Variants in FAM13A observed in about 807,000 individuals in gnomAD.
FAM13A encodes the protein family with sequence similarity 13 member A, also known as protein FAM13A.
A neutral mutation model predicts 129.6 loss-of-function variants in FAM13A; 76 were observed. The observed-to-expected ratio is 0.59, with a 90% confidence interval of 0.49 to 0.71. The LOEUF (loss-of-function observed/expected upper bound fraction) is 0.71, where lower values mean the gene tolerates loss of function less well. Ranked by LOEUF, FAM13A falls within the 30% of genes least tolerant of loss-of-function variation. The pLI, the probability that FAM13A is intolerant of heterozygous loss-of-function variation, is 0.00. For synonymous variants in FAM13A, 443 were observed against 449.9 expected (o/e 0.98, Z 0.20); for missense variants, 1,108 against 1,249.3 (o/e 0.89, Z 1.70).
At chr4:88,737,675 C>T in intron 20 of FAM13A, 120 bp from the exon 21 acceptor site, 1 of 781,792 alleles carries the variant, frequency 1.3e-6, no homozygotes, top group Non-Finnish European at 2.2e-6. Context: ...CTTATCCCTC[C>T]CTGCCAAACA....
chr4:88,879,905 T>C (rs1181892237), intron 6 of FAM13A, among the ~76,000 whole-genome samples: 1 of 152,344 alleles, frequency 6.6e-6, no homozygotes, highest in East Asian at 1.9e-4. Flanking sequence ...ATTACTGAAG[T>C]ATAACCAAGA....
At chr4:88,804,072 T>C (rs1347867375) in intron 8 of FAM13A, among the ~76,000 whole-genome samples, 1 of 151,498 alleles carries the variant, frequency 6.6e-6, no homozygotes, top group African/African-American at 2.4e-5. Context: ...CTGGCCAAGA[T>C]GGTGAAACCC....
At chr4:88,811,035 C>T (rs1343865938) in intron 7 of FAM13A, among the ~76,000 whole-genome samples, 1 of 152,098 alleles carries the variant, frequency 6.6e-6, no homozygotes, top group Non-Finnish European at 1.5e-5. Flanking sequence ...ATAATGCACA[C>T]TGAATGAATG....
At chr4:89,007,586 C>CTG (rs1044613194) in intron 3 of FAM13A, among the ~76,000 whole-genome samples, 8 of 152,154 alleles carry the variant, frequency 5.3e-5, no homozygotes, top group African/African-American at 1.9e-4. Context: ...CCCACAGAAA[C>CTG]TGTGAGAGAA....
intron 6 of FAM13A, among the ~76,000 whole-genome samples, chr4:88,876,102 G>A (rs915959319): frequency 2.0e-5 from 3 of 152,082 alleles, no homozygotes; most frequent in African/African-American, 7.2e-5. Context: ...GAGAACACTT[G>A]GACACAGGGT....
intron 21 of FAM13A, 110 bp from the exon 22 acceptor site, chr4:88,732,308 C>CT: frequency 1.3e-6 from 1 of 744,734 alleles, no homozygotes; most frequent in Non-Finnish European, 2.2e-6. Context: ...ATAGTTTCTT[C>CT]TGTATCTACA....
At chr4:88,961,305 AAG>A (rs1758559243) in intron 4 of FAM13A, among the ~76,000 whole-genome samples, 1 of 151,350 alleles carries the variant, frequency 6.6e-6, no homozygotes, top group Non-Finnish European at 1.5e-5. Flanking sequence ...TTGCCAAGAA[AAG>A]AGATACATAA....
rs143962433 is a variant in FAM13A, at chr4:88,909,462, G to A, written c.760-3000C>T. Among the ~76,000 whole-genome samples, 12 of 152,098 alleles carry A rather than the reference G, an allele frequency of 7.9e-5. No homozygotes were observed. The East Asian group carries it at 2.3e-3, about 29-fold the overall frequency. On this transcript the variant is annotated intron_variant, in intron 5 of 23. Transcript: ENST00000264344. ...GAGGAGTGGGGAATGTGGAGTGACT[G>A]CTAATGGGTCTGATGTACATGAGGT...
chr4:88,930,831 C>G (rs938739963), intron 5 of FAM13A, among the ~76,000 whole-genome samples: 19 of 152,118 alleles, frequency 1.2e-4, no homozygotes, highest in African/African-American at 4.3e-4. Context: ...CTGAAAGCAA[C>G]AGTGAGTGGG....
At chr4:88,894,195 C>T (rs974334930) in intron 6 of FAM13A, among the ~76,000 whole-genome samples, 4 of 152,140 alleles carry the variant, frequency 2.6e-5, no homozygotes, top group South Asian at 2.1e-4. Flanking sequence ...CACATGCTTA[C>T]GATCTAATAT....
intron 3 of FAM13A, among the ~76,000 whole-genome samples, chr4:89,008,337 G>C (rs931974340): frequency 1.3e-5 from 2 of 152,164 alleles, no homozygotes; most frequent in African/African-American, 4.8e-5. Flanking sequence ...AATAGGGCTG[G>C]TGTCCCTATA....
In FAM13A at chr4:89,014,163, C is replaced by T. The variant is rs139988779; in HGVS notation, c.427+6297G>A. ...TGATTGTAAAATAAAAATTCGTAGA[C>T]GGTAATCCTACAGATGCATGACAAT... On this transcript the variant is annotated intron_variant, in intron 3 of 23. Coordinates refer to ENST00000264344, the MANE Select transcript of FAM13A (RefSeq NM_014883.4). 2.4e-3 allele frequency among the ~76,000 whole-genome samples: 367 copies of T among 152,234 alleles called. 1 individual carries two copies. Among genetic ancestry groups the T allele is most frequent in the African/African-American group, 4.6e-3 (190 of 41,538 alleles).
At chr4:88,889,489 G>T (rs991385434) in intron 6 of FAM13A, among the ~76,000 whole-genome samples, 4 of 152,118 alleles carry the variant, frequency 2.6e-5, no homozygotes, top group African/African-American at 9.7e-5. Flanking sequence ...CATGATAAAA[G>T]AAATGGAAAA....
rs371025859 is a variant in FAM13A, at chr4:88,896,722, G to A, written c.843+9657C>T. ...CTTGACAACTATACTTCTTTATCCC[G>A]CATCTTATAGTTAATATGACTCTGT... On this transcript the variant is annotated intron_variant, in intron 6 of 23. Transcript: ENST00000264344. Among the ~76,000 whole-genome samples the A allele has an allele frequency of 6.3e-4, 96 of 152,138 alleles. 3 individuals carry two copies. In the South Asian group the frequency reaches 0.019, roughly 30 times the overall value.
intron 4 of FAM13A, among the ~76,000 whole-genome samples, chr4:88,968,765 A>T (rs760562646): frequency 2.0e-5 from 3 of 152,172 alleles, no homozygotes; most frequent in Non-Finnish European, 4.4e-5. Flanking sequence ...AGAAGAGCTT[A>T]AATCATTGCC....
chr4:88,984,651 C>T (rs1434694929), intron 4 of FAM13A, among the ~76,000 whole-genome samples: 5 of 152,152 alleles, frequency 3.3e-5, no homozygotes, highest in South Asian at 2.1e-4. Context: ...GAAACTGGTT[C>T]GCCCATACAT....
intron 8 of FAM13A, among the ~76,000 whole-genome samples, chr4:88,799,237 C>T (rs938659208): frequency 1.3e-5 from 2 of 152,132 alleles, no homozygotes; most frequent in Admixed American, 6.5e-5. Flanking sequence ...GCACCTAGCA[C>T]GACCTGAGAC....
chr4:88,823,198 C>A (rs1354933038), intron 7 of FAM13A: 2 of 1,444,954 alleles, frequency 1.4e-6, no homozygotes, highest in Admixed American at 2.8e-5. Context: ...CTTCTTCAGG[C>A]AATGCTATTT....
chr4:88,952,516 T>C (rs529408558), intron 4 of FAM13A, among the ~76,000 whole-genome samples: 1 of 152,324 alleles, frequency 6.6e-6, no homozygotes, highest in South Asian at 2.1e-4. Flanking sequence ...TGCCAGATCC[T>C]CATATATCTT....
Sources: allele counts gnomAD v4.1 joint callset (sites outside exome capture counted in the v4.1 genomes callset), GRCh38; gene constraint gnomAD v4.1.1; transcripts MANE v1.5; gene names NCBI Gene and HGNC (gene_info 2026-07-23, HGNC 2026-07-21).